Variants in NELL2 observed in about 807,000 individuals in gnomAD.
NELL2 encodes the protein protein kinase C-binding protein NELL2.
A neutral mutation model predicts 109.6 loss-of-function variants in NELL2; 41 were observed. The observed-to-expected ratio is 0.37, with a 90% confidence interval of 0.29 to 0.49. The LOEUF is 0.49. NELL2 is among the 20% of genes least tolerant of loss of function. The pLI is 0.98. For synonymous variants in NELL2, 355 were observed against 344.7 expected, an observed-to-expected ratio of 1.03 and a Z score of -0.33; for missense variants, 900 against 1,008.3, an observed-to-expected ratio of 0.89 and a Z score of 1.45.
intron 12 of NELL2, among the ~76,000 whole-genome samples, chr12:44,685,411 G>A (rs560106742): frequency 6.6e-6 from 1 of 151,872 alleles, no homozygotes; most frequent in Non-Finnish European, 1.5e-5. Flanking sequence ...TTAGTCCATT[G>A]ACATTTAAAG....
intron 2 of NELL2, among the ~76,000 whole-genome samples, chr12:44,843,763 TTTACTCCCAGCACTTTGGGAGGCCAA>T (rs1293524491): frequency 1.3e-5 from 2 of 152,156 alleles, no homozygotes; most frequent in African/African-American, 2.4e-5. Flanking sequence ...GGCTCATACC[TTTACTCCCAGCACTTTGGGAGGCCAA>T]GACAGGCAGA....
chr12:44,694,520 A>ACACACAC (rs1948995456), intron 12 of NELL2, among the ~76,000 whole-genome samples: 21 of 144,282 alleles, frequency 1.5e-4, no homozygotes, highest in South Asian at 2.3e-4. Context: ...CACACATACA[A>ACACACAC]ACACACACAC....
intron 12 of NELL2, among the ~76,000 whole-genome samples, chr12:44,677,829 T>C (rs1016678556): frequency 3.3e-5 from 5 of 152,100 alleles, no homozygotes; most frequent in African/African-American, 9.7e-5. Context: ...GGTGGGTCCA[T>C]AGTGTAGGGA....
At chr12:44,656,111 T>G (rs1007644217) in intron 13 of NELL2, among the ~76,000 whole-genome samples, 1 of 152,196 alleles carries the variant, frequency 6.6e-6, no homozygotes, top group African/African-American at 2.4e-5. Context: ...GCTCACAAAA[T>G]CTGTCCTGCT....
chr12:44,878,944 G>T (rs1945380882), upstream of NELL2, among the ~76,000 whole-genome samples: 1 of 152,182 alleles, frequency 6.6e-6, no homozygotes, highest in African/African-American at 2.4e-5. Flanking sequence ...GGGATTTAAG[G>T]TTGCAGATGG....
intron 9 of NELL2, among the ~76,000 whole-genome samples, chr12:44,761,546 G>T (rs1156248233): frequency 2.6e-5 from 4 of 151,974 alleles, no homozygotes. Context: ...TAAATGAAAA[G>T]AAATTATTAT....
intron 9 of NELL2, among the ~76,000 whole-genome samples, chr12:44,718,298 A>G (rs1377240444): frequency 1.3e-5 from 2 of 152,160 alleles, no homozygotes; most frequent in African/African-American, 4.8e-5. Context: ...GGCTACCACA[A>G]TGGCTACAGG....
intron 13 of NELL2, among the ~76,000 whole-genome samples, chr12:44,627,467 C>A (rs1946309514): frequency 6.6e-6 from 1 of 151,524 alleles, no homozygotes; most frequent in Non-Finnish European, 1.5e-5. Flanking sequence ...AATAAAGCAT[C>A]TGCCAAAATC....
intron 9 of NELL2, among the ~76,000 whole-genome samples, chr12:44,720,111 C>G (rs1276248030): frequency 1.3e-5 from 2 of 152,032 alleles, no homozygotes; most frequent in Non-Finnish European, 2.9e-5. Flanking sequence ...CTAACTGATA[C>G]AAATTAATCT....
chr12:44,884,492 T>C (rs1167647089), intron 1 of NELL2, among the ~76,000 whole-genome samples: 1 of 151,910 alleles, frequency 6.6e-6, no homozygotes, highest in African/African-American at 2.4e-5. Flanking sequence ...TAATAGCAAT[T>C]TTACACAAAT....
chr12:44,550,548 T>G (rs1943001526), intron 15 of NELL2, among the ~76,000 whole-genome samples: 1 of 115,286 alleles, frequency 8.7e-6, no homozygotes, highest in African/African-American at 3.5e-5. Flanking sequence ...CATCTCAACA[T>G]AAATAAATAA....
chr12:44,816,250 A>ATACTGAGT (rs2136685715), intron 2 of NELL2, 114 bp from the exon 3 acceptor site: 1 of 840,416 alleles, frequency 1.2e-6, no homozygotes, highest in African/African-American at 1.7e-5. Context: ...CAGCTGATAA[A>ATACTGAGT]TACTGAGTTT....
intron 15 of NELL2, among the ~76,000 whole-genome samples, chr12:44,570,417 C>T (rs957103894): frequency 2.0e-5 from 3 of 152,142 alleles, no homozygotes; most frequent in Non-Finnish European, 4.4e-5. Flanking sequence ...GGGACTGTGA[C>T]AGTCTCCTAT....
intron 15 of NELL2, among the ~76,000 whole-genome samples, chr12:44,599,224 C>T (rs917816776): frequency 1.5e-4 from 23 of 152,206 alleles, no homozygotes; most frequent in African/African-American, 4.8e-4. Flanking sequence ...AGGAAACAAT[C>T]ATGAGGCAAA....
At chr12:44,581,903 C>T (rs1264958258) in intron 15 of NELL2, among the ~76,000 whole-genome samples, 4 of 152,096 alleles carry the variant, frequency 2.6e-5, no homozygotes. Context: ...CTGATGATTG[C>T]TTTAATTTTA....
chr12:44,518,126 A>G (rs1734745295), intron 19 of NELL2, among the ~76,000 whole-genome samples: 1 of 152,228 alleles, frequency 6.6e-6, no homozygotes, highest in Admixed American at 6.5e-5. Context: ...ATCAGTACTT[A>G]TCTGACAGAA....
intron 19 of NELL2, among the ~76,000 whole-genome samples, chr12:44,516,334 G>A (rs921558334): frequency 6.6e-6 from 1 of 151,816 alleles, no homozygotes; most frequent in Non-Finnish European, 1.5e-5. Context: ...ATTTCTTTAG[G>A]TTAGATTCTC....
intron 9 of NELL2, among the ~76,000 whole-genome samples, chr12:44,747,444 T>TATG (rs553105121): frequency 3.3e-5 from 5 of 151,148 alleles, no homozygotes; most frequent in Admixed American, 6.6e-5. Flanking sequence ...AAACTTCAAG[T>TATG]ATAATAATAA....
At chr12:44,571,993 A>G (rs965829388) in intron 15 of NELL2, among the ~76,000 whole-genome samples, 1 of 152,190 alleles carries the variant, frequency 6.6e-6, no homozygotes, top group Admixed American at 6.5e-5. Flanking sequence ...CAGAGAAATC[A>G]TAGCAAAACG....
Sources: gnomAD v4.1 joint callset for allele counts (sites outside exome capture counted in the v4.1 genomes callset) on GRCh38, gnomAD v4.1.1 for gene constraint, MANE v1.5 for transcripts, NCBI Gene and HGNC (gene_info 2026-07-23, HGNC 2026-07-21) for gene names.